TIMP2: variants seen among roughly 807,000 people sequenced by gnomAD.
TIMP2 encodes TIMP metallopeptidase inhibitor 2, also known as metalloproteinase inhibitor 2.
A neutral mutation model predicts 24.3 loss-of-function variants in TIMP2; 5 were observed. The ratio of observed to expected loss-of-function variants is 0.21; its 90% confidence interval spans 0.11 to 0.43. The LOEUF is 0.43. TIMP2 is among the 20% of genes least tolerant of loss of function. The pLI is 1.00. For synonymous variants in TIMP2, 130 were observed against 123.2 expected, an observed-to-expected ratio of 1.06 and a Z score of -0.37; for missense variants, 221 against 297.5, an observed-to-expected ratio of 0.74 and a Z score of 1.89.
intron 1 of TIMP2, among the ~76,000 whole-genome samples, chr17:78,882,512 A>AACT (rs2069788496): frequency 6.6e-6 from 1 of 152,190 alleles, no homozygotes; most frequent in East Asian, 1.9e-4. Context: ...TGGGATCCCT[A>AACT]AATGTTTGTG....
In TIMP2 at chr17:78,884,406, T is replaced by C. The variant is rs553203748; in HGVS notation, c.131-10487A>G. 3.5e-4 allele frequency among the ~76,000 whole-genome samples: 54 copies of C among 152,348 alleles called. 1 individual carries two copies. Among genetic ancestry groups the C allele is most frequent in the African/African-American group, 1.3e-3 (54 of 41,586 alleles). ...GCACTGACTGTCTTTGAGCCCTGGCTGTTCGTCGGACCCAGGGTCATGTGG... is the reference window on the plus strand; with the variant it reads ...GCACTGACTGTCTTTGAGCCCTGGCCGTTCGTCGGACCCAGGGTCATGTGG... On this transcript the variant is annotated intron_variant, in intron 1 of 4. Transcript: ENST00000262768.
intron 1 of TIMP2, chr17:78,922,320 G>A (rs543300816): frequency 1.3e-5 from 2 of 152,376 alleles, no homozygotes; most frequent in South Asian, 4.1e-4. Flanking sequence ...TTTATCCCAA[G>A]TTGGTTGAGC....
At chr17:78,857,914 C>CA (rs1456838178) in intron 3 of TIMP2, among the ~76,000 whole-genome samples, 1 of 151,596 alleles carries the variant, frequency 6.6e-6, no homozygotes, top group East Asian at 2.0e-4. Flanking sequence ...TACTAAAATA[C>CA]AAAAAATTAG....
rs112490331 is a variant in TIMP2, at chr17:78,876,141, T to A, written c.131-2222A>T. Among the ~76,000 whole-genome samples, 1,466 of 152,250 alleles carry A rather than the reference T, an allele frequency of 9.6e-3. 7 individuals are homozygous for A. The highest frequency in any genetic ancestry group is 0.015 in the Non-Finnish European group (1,023 of 68,010). ...TCCACCGCAACCAGCTGTCTTTTTT[T>A]ATTCACGTTCGTTTCTGCTCAAACA... On this transcript the variant is annotated intron_variant, in intron 1 of 4. Transcript: ENST00000262768.
At chr17:78,883,424 C>T (rs1000808147) in intron 1 of TIMP2, among the ~76,000 whole-genome samples, 1 of 152,194 alleles carries the variant, frequency 6.6e-6, no homozygotes, top group Non-Finnish European at 1.5e-5. Context: ...CAGCATGACT[C>T]AGGCCAGGGT....
At chr17:78,878,782 ATCTCCATC>A (rs1412508813) in intron 1 of TIMP2, among the ~76,000 whole-genome samples, 8 of 152,138 alleles carry the variant, frequency 5.3e-5, no homozygotes, top group African/African-American at 1.9e-4. Context: ...GCCTGAGGGC[ATCTCCATC>A]TCCCCTGGGC....
chr17:78,869,882 T>C (rs2069659911), intron 3 of TIMP2, among the ~76,000 whole-genome samples: 1 of 152,210 alleles, frequency 6.6e-6, no homozygotes, highest in Non-Finnish European at 1.5e-5. Flanking sequence ...GAAAACATGA[T>C]GCTACTGAAA....
intron 1 of TIMP2, among the ~76,000 whole-genome samples, chr17:78,882,620 G>A (rs2069789123): frequency 6.6e-6 from 1 of 152,228 alleles, no homozygotes; most frequent in African/African-American, 2.4e-5. Flanking sequence ...TAGCAGGATG[G>A]GGCCGACCTC....
At chr17:78,903,694 C>T (rs2070129084) in intron 1 of TIMP2, among the ~76,000 whole-genome samples, 1 of 152,186 alleles carries the variant, frequency 6.6e-6, no homozygotes, top group Non-Finnish European at 1.5e-5. Context: ...GCCACACGTA[C>T]TTGGCCTCGT....
In TIMP2 at chr17:78,920,926, G is replaced by A. The variant is rs1383039950; in HGVS notation, c.130+4033C>T. The stretch of plus-strand genomic sequence containing the variant: ...CTCCCTTACATCCCCGGGGGCAGAG[G>A]CAGCCACTCCATAATTGCTTGTTGA... On this transcript the variant is annotated intron_variant, in intron 1 of 4. Transcript: ENST00000262768. This position sits in a 1 kb window ranked among gnomAD's most constrained non-coding sequence, Gnocchi z 4.5. Among the ~76,000 whole-genome samples, 1 of 152,086 alleles carries A rather than the reference G, an allele frequency of 6.6e-6. No homozygotes were observed. Among genetic ancestry groups the A allele is most frequent in the African/African-American group, 2.4e-5 (1 of 41,424 alleles).
At chr17:78,888,958 A>T (rs2069852577) in intron 1 of TIMP2, among the ~76,000 whole-genome samples, 1 of 152,202 alleles carries the variant, frequency 6.6e-6, no homozygotes, top group African/African-American at 2.4e-5. Context: ...GGTTGTTGGA[A>T]GGGAGGGAGA....
In TIMP2 at chr17:78,891,639, CA is replaced by C; in HGVS notation, c.131-17721del. ...TGAGAGCGACTGGTCAGGGCTGGAA[CA>C]AAGCAAACTGCCCCCTTTCCCAGTT... is the stretch of plus-strand genomic sequence containing the variant. On this transcript the variant is annotated intron_variant, in intron 1 of 4. Coordinates refer to ENST00000262768, the MANE Select transcript of TIMP2 (RefSeq NM_003255.5). The surrounding 1 kb of genome is among the most constrained non-coding windows in gnomAD (Gnocchi z 4.5). 1 of 1,550,986 alleles carries C rather than the reference CA, an allele frequency of 6.4e-7. No individual in the cohort carries two copies. The highest frequency in any genetic ancestry group is 8.7e-7 in the Non-Finnish European group (1 of 1,147,094).
intron 1 of TIMP2, among the ~76,000 whole-genome samples, chr17:78,923,895 T>C (rs2070328940): frequency 2.0e-5 from 3 of 152,138 alleles, no homozygotes; most frequent in Middle Eastern, 3.4e-3. Context: ...TCTGGGCAGG[T>C]GAGGGGGCCC....
At chr17:78,895,237 C>T (rs947835875) in intron 1 of TIMP2, among the ~76,000 whole-genome samples, 5 of 152,120 alleles carry the variant, frequency 3.3e-5, no homozygotes, top group Non-Finnish European at 7.3e-5. Flanking sequence ...GCTGAGATTG[C>T]ACCATTGCAC....
chr17:78,893,814 A>T (rs58742579), intron 1 of TIMP2, among the ~76,000 whole-genome samples: 1,830 of 152,198 alleles, frequency 0.012, 27 homozygotes, highest in African/African-American at 0.042. Flanking sequence ...GGCATCAGGA[A>T]GGGACCCATG....
chr17:78,910,359 A>G (rs1015557757), intron 1 of TIMP2, among the ~76,000 whole-genome samples: 8 of 151,936 alleles, frequency 5.3e-5, no homozygotes, highest in African/African-American at 1.9e-4. Context: ...GGCCTGGCTA[A>G]TTTTTATATT....
intron 1 of TIMP2, among the ~76,000 whole-genome samples, chr17:78,884,349 G>A (rs778826374): frequency 4.6e-5 from 7 of 152,224 alleles, no homozygotes; most frequent in Non-Finnish European, 8.8e-5. Flanking sequence ...GGGGACGAAC[G>A]TGAGGTCCGG....
chr17:78,892,109 A>G, intron 1 of TIMP2: 1 of 1,551,590 alleles, frequency 6.4e-7, no homozygotes, highest in Non-Finnish European at 8.7e-7. Context: ...TGCTGACTGC[A>G]GCCTGTCCAG....
intron 1 of TIMP2, among the ~76,000 whole-genome samples, chr17:78,877,540 C>T (rs1278461640): frequency 8.0e-6 from 1 of 124,832 alleles, no homozygotes; most frequent in Non-Finnish European, 1.7e-5. Flanking sequence ...CAGAGTGAGA[C>T]TCCGTCTTTT....
Sources: gnomAD v4.1 joint callset for allele counts (sites outside exome capture counted in the v4.1 genomes callset) on GRCh38, gnomAD v4.1.1 for gene constraint, Gnocchi (gnomAD v3.1) non-coding constraint, MANE v1.5 for transcripts, NCBI Gene and HGNC (gene_info 2026-07-23, HGNC 2026-07-21) for gene names.